The following ADAMTS19 variants were observed in gnomAD, a reference collection of about 807,000 sequenced individuals.
ADAMTS19 encodes ADAM metallopeptidase with thrombospondin type 1 motif 19.
Under a neutral mutation model 153.3 loss-of-function variants are expected in ADAMTS19, and 93 were observed. The ratio of observed to expected loss-of-function variants is 0.61; its 90% CI spans 0.51 to 0.72. The LOEUF (loss-of-function observed/expected upper bound fraction) is 0.72, where lower values mean the gene tolerates loss of function less well. Among genes scored for constraint, ADAMTS19 ranks in the 30% least tolerant of loss-of-function variants. The pLI is 0.00. For missense variants in ADAMTS19, 1,482 were observed against 1,552.1 expected (o/e 0.95, Z 0.76); for synonymous variants, 600 against 556.6 (o/e 1.08, Z -1.10).
intron 2 of ADAMTS19, among the ~76,000 whole-genome samples, chr5:129,498,696 C>T (rs1412580059): frequency 1.3e-5 from 2 of 151,840 alleles, no homozygotes; most frequent in East Asian, 1.9e-4. Flanking sequence ...AATTTAAGTT[C>T]GTTTTCATAT....
At chr5:129,602,826 C>CTG (rs56060749) in intron 8 of ADAMTS19, among the ~76,000 whole-genome samples, 24,220 of 146,558 alleles carry the variant, frequency 0.17, 2,278 homozygotes, top group African/African-American at 0.28. Context: ...CTTATATTCT[C>CTG]TGTGTGTGTG....
intron 6 of ADAMTS19, among the ~76,000 whole-genome samples, chr5:129,535,593 C>A (rs10040361): frequency 1.4e-4 from 22 of 152,044 alleles, no homozygotes; most frequent in African/African-American, 5.3e-4. Flanking sequence ...AAAAAGAGCC[C>A]GCATTGCCAA....
chr5:129,507,377 T>C (rs1364635264), intron 2 of ADAMTS19, among the ~76,000 whole-genome samples: 9 of 152,156 alleles, frequency 5.9e-5, no homozygotes, highest in Admixed American at 5.9e-4. Context: ...CTTTAATGGC[T>C]ATTATTTAAT....
intron 21 of ADAMTS19, among the ~76,000 whole-genome samples, chr5:129,726,615 C>A (rs1365484068): frequency 1.3e-5 from 2 of 152,072 alleles, no homozygotes; most frequent in African/African-American, 4.8e-5. Context: ...TCATTTGCCC[C>A]CTTGTTATTA....
intron 21 of ADAMTS19, among the ~76,000 whole-genome samples, chr5:129,718,680 C>T (rs1756838703): frequency 6.6e-6 from 1 of 152,144 alleles, no homozygotes; most frequent in African/African-American, 2.4e-5. Context: ...GGTCCTCTCT[C>T]CACTGTGAAT....
At chr5:129,460,552 G>A in intron 1 of ADAMTS19, 70 bp downstream of exon 1, 1 of 1,577,902 alleles carries the variant, frequency 6.3e-7, no homozygotes, top group Non-Finnish European at 8.7e-7. Context: ...GTACGGGTCG[G>A]CAGGGCTGGT....
At chr5:129,475,004 G>A (rs1750180730) in intron 2 of ADAMTS19, among the ~76,000 whole-genome samples, 1 of 151,734 alleles carries the variant, frequency 6.6e-6, no homozygotes, top group African/African-American at 2.4e-5. Context: ...TCAGACAAGT[G>A]ATTTGCTAAT....
intron 6 of ADAMTS19, among the ~76,000 whole-genome samples, chr5:129,546,366 C>A (rs1432606254): frequency 1.3e-5 from 2 of 149,702 alleles, no homozygotes; most frequent in Non-Finnish European, 2.9e-5. Flanking sequence ...TGCACATGTA[C>A]CCTAAAACTT....
chr5:129,736,429 A>T (rs1436086409), intron 22 of ADAMTS19, among the ~76,000 whole-genome samples: 7 of 152,118 alleles, frequency 4.6e-5, no homozygotes, highest in Admixed American at 4.6e-4. Context: ...TGCATTCCAG[A>T]ACACACTGTT....
At chr5:129,660,766 A>C (rs572604740) in intron 15 of ADAMTS19, among the ~76,000 whole-genome samples, 1 of 152,324 alleles carries the variant, frequency 6.6e-6, no homozygotes, top group East Asian at 1.9e-4. Context: ...TACAAATATT[A>C]AAGATTAATA....
At chr5:129,554,992 T>TA (rs1372759653) in intron 7 of ADAMTS19, among the ~76,000 whole-genome samples, 1 of 152,212 alleles carries the variant, frequency 6.6e-6, no homozygotes, top group Non-Finnish European at 1.5e-5. Flanking sequence ...GTACACATTT[T>TA]AAAATCTCCT....
intron 2 of ADAMTS19, among the ~76,000 whole-genome samples, chr5:129,470,989 G>A (rs2126650518): frequency 6.6e-6 from 1 of 150,690 alleles, no homozygotes; most frequent in Non-Finnish European, 1.5e-5. Context: ...TCTGCAGTGA[G>A]GCTACATCAT....
intron 21 of ADAMTS19, among the ~76,000 whole-genome samples, chr5:129,718,369 AACACATACAC>A (rs2127194195): frequency 6.6e-6 from 1 of 152,274 alleles, no homozygotes; most frequent in Non-Finnish European, 1.5e-5. Context: ...GAATTAATTA[AACACATACAC>A]ACACATACAC....
In ADAMTS19 at chr5:129,737,875, A is replaced by G. The variant is rs1313809910; in HGVS notation, c.*657A>G. The stretch of plus-strand genomic sequence containing the variant: ...GTACTTGAACACAAGTATTGTAACA[A>G]TGAAACACTGTAATGATTTACACTG... On this transcript the variant is annotated 3_prime_UTR_variant, in exon 23 of 23. Transcript: ENST00000274487. 6.6e-6 allele frequency: 1 copy of G among 152,550 alleles called. No individual in the cohort carries two copies. Among genetic ancestry groups the G allele is most frequent in the Non-Finnish European group, 1.5e-5 (1 of 68,006 alleles). 9.4% of individuals were successfully genotyped at this position (152,550 alleles called of 1,614,324 possible).
At chr5:129,638,204 T>C (rs1752617805) in intron 10 of ADAMTS19, among the ~76,000 whole-genome samples, 1 of 152,162 alleles carries the variant, frequency 6.6e-6, no homozygotes, top group African/African-American at 2.4e-5. Flanking sequence ...CTTGAAAGAG[T>C]GTTAGTCTCT....
chr5:129,517,945 T>C (rs1029608308), intron 3 of ADAMTS19, among the ~76,000 whole-genome samples: 1 of 152,068 alleles, frequency 6.6e-6, no homozygotes, highest in Non-Finnish European at 1.5e-5. Flanking sequence ...TTTTATTCTC[T>C]ATGTATTCAC....
At chr5:129,710,555 C>T (rs1303353775) in intron 21 of ADAMTS19, among the ~76,000 whole-genome samples, 3 of 152,114 alleles carry the variant, frequency 2.0e-5, no homozygotes, top group Non-Finnish European at 4.4e-5. Context: ...CCATCTCACA[C>T]CAGTCAGGAT....
chr5:129,620,512 C>A, intron 8 of ADAMTS19, 106 bp from the exon 9 acceptor site: 1 of 798,044 alleles, frequency 1.3e-6, no homozygotes. Flanking sequence ...AAATTTGGCC[C>A]CCAGTATTTT....
In ADAMTS19 at chr5:129,658,615, A is replaced by G; in HGVS notation, c.2305-2A>G. 1 of 1,610,296 alleles carries G rather than the reference A, an allele frequency of 6.2e-7. No individual in the cohort carries two copies. Among genetic ancestry groups the G allele is most frequent in the Non-Finnish European group, 8.5e-7 (1 of 1,178,606 alleles). On this transcript the variant is annotated splice_acceptor_variant, in intron 14 of 22. Coordinates refer to ENST00000274487, the MANE Select transcript of ADAMTS19 (RefSeq NM_133638.6). LOFTEE classifies it high-confidence loss of function. The stretch of plus-strand genomic sequence containing the variant: ...TGATGTGCTGTCACTCTCTTGTTAC[A>G]GAAAGTTGGCTGTGATGGTTTATTA...
Sources: gnomAD v4.1 joint callset for allele counts (sites outside exome capture counted in the v4.1 genomes callset) on GRCh38, gnomAD v4.1.1 for gene constraint, MANE v1.5 for transcripts, NCBI Gene and HGNC (gene_info 2026-07-23, HGNC 2026-07-21) for gene names.